USP20: variants seen among roughly 807,000 people sequenced by gnomAD.
The protein encoded by USP20 is ubiquitin specific peptidase 20.
A neutral mutation model predicts 124.2 loss-of-function variants in USP20; 80 were observed. The ratio of observed to expected loss-of-function variants is 0.64; its 90% CI spans 0.54 to 0.78. USP20 has a LOEUF of 0.78. USP20 is among the 30% of genes least tolerant of loss of function. The pLI, the probability that USP20 is intolerant of heterozygous loss-of-function variation, is 0.00. For missense variants in USP20, 1,043 were observed against 1,244.4 expected, an observed-to-expected ratio of 0.84 and a Z score of 2.44; for synonymous variants, 481 against 512.3, an observed-to-expected ratio of 0.94 and a Z score of 0.83.
At chr9:129,855,766 GAA>G (rs770317248) in intron 3 of USP20, among the ~76,000 whole-genome samples, 69 of 152,336 alleles carry the variant, frequency 4.5e-4, no homozygotes, top group Middle Eastern at 3.4e-3. Context: ...AAGGAGGAGA[GAA>G]AGGATTCCAG....
At chr9:129,864,572 G>C (rs1255215212) in intron 9 of USP20, among the ~76,000 whole-genome samples, 2 of 151,590 alleles carry the variant, frequency 1.3e-5, no homozygotes, top group African/African-American at 4.9e-5. Context: ...TCAGGAGTTC[G>C]AGACCAGCCT....
At chr9:129,862,269 C>G (rs1275484816) in intron 8 of USP20, among the ~76,000 whole-genome samples, 1 of 152,092 alleles carries the variant, frequency 6.6e-6, no homozygotes, top group African/African-American at 2.4e-5. Context: ...TTGACCACAC[C>G]CAGGCTGGGC....
chr9:129,854,861 G>A (rs551709161), intron 3 of USP20, among the ~76,000 whole-genome samples: 10 of 152,252 alleles, frequency 6.6e-5, no homozygotes, highest in African/African-American at 2.4e-4. Flanking sequence ...CCATGTTCAG[G>A]CTTTTTACAA....
chr9:129,870,658 G>A (rs1437016162), intron 15 of USP20, 111 bp downstream of exon 15: 2 of 1,222,554 alleles, frequency 1.6e-6, no homozygotes, highest in African/African-American at 3.0e-5. Flanking sequence ...GCACAGCCAG[G>A]CTAGACTTGG....
chr9:129,847,251 A>G (rs1418410824), intron 1 of USP20, among the ~76,000 whole-genome samples: 2 of 151,122 alleles, frequency 1.3e-5, no homozygotes, highest in African/African-American at 2.4e-5. Flanking sequence ...ATTCCCACCA[A>G]CAGTGCACAG....
chr9:129,863,348 T>G, intron 9 of USP20, 49 bp downstream of exon 9: 17 of 1,427,312 alleles, frequency 1.2e-5, no homozygotes, highest in Non-Finnish European at 1.5e-5. Context: ...GACTGGGGTT[T>G]CCTGTCAGCA....
At chr9:129,876,417 T>C (rs1484526528) in intron 22 of USP20, among the ~76,000 whole-genome samples, 179 bp downstream of exon 22, 3 of 152,102 alleles carry the variant, frequency 2.0e-5, no homozygotes, top group Non-Finnish European at 2.9e-5. Context: ...GACGAACAGA[T>C]CACTTGAGGT....
chr9:129,845,266 G>A (rs1247700400), intron 1 of USP20, among the ~76,000 whole-genome samples: 2 of 152,052 alleles, frequency 1.3e-5, no homozygotes, highest in Non-Finnish European at 2.9e-5. Context: ...GAGAGCTCCA[G>A]GGAACAGAGG....
chr9:129,866,633 A>T (rs1316555973), intron 10 of USP20, among the ~76,000 whole-genome samples: 2 of 152,206 alleles, frequency 1.3e-5, no homozygotes, highest in African/African-American at 4.8e-5. Flanking sequence ...GCAGGACTCC[A>T]TCTGGGCTCC....
intron 17 of USP20, among the ~76,000 whole-genome samples, 182 bp from the exon 18 acceptor site, chr9:129,874,394 G>A (rs961855921): frequency 1.3e-5 from 2 of 152,178 alleles, no homozygotes; most frequent in African/African-American, 2.4e-5. Flanking sequence ...TCTCAGCAGT[G>A]GAGCTGGGAG....
At chr9:129,859,017 C>T (rs1427751343) in intron 6 of USP20, among the ~76,000 whole-genome samples, 1 of 152,060 alleles carries the variant, frequency 6.6e-6, no homozygotes. Flanking sequence ...GTAGTTGCTA[C>T]AGCACACTTC....
In USP20 at chr9:129,875,302, C is replaced by T; in HGVS notation, c.2049-8C>T. 1 of 1,599,932 alleles carries T rather than the reference C, an allele frequency of 6.3e-7. No individual in the cohort carries two copies. Among genetic ancestry groups the T allele is most frequent in the Non-Finnish European group, 8.5e-7 (1 of 1,172,346 alleles). On this transcript the variant is annotated splice_region_variant and splice_polypyrimidine_tract_variant and intron_variant, in intron 19 of 25. Coordinates refer to ENST00000372429, the MANE Select transcript of USP20 (RefSeq NM_001110303.4). ...GGCACAGCTTCTCGCCCCCTCCTCA[C>T]CCCACAGGAAGAGCAGCGAGGAGGC...
Position 129,875,421 on chromosome 9 carries a change from C to T in USP20, c.2160C>T (p.Phe720=), listed in dbSNP as rs180684899. The T allele has an allele frequency of 3.8e-5, 62 of 1,613,780 alleles. No individual in the cohort carries two copies. The Admixed American group carries it at 4.8e-4, about 13-fold the overall frequency. Residue 720 remains phenylalanine, a synonymous_variant, in exon 20 of 26, where the codon TTC becomes TTT. Coordinates refer to ENST00000372429, the MANE Select transcript of USP20 (RefSeq NM_001110303.4). ...FYVSREWLNK[F]NTFAEPGPIT... is the part of the protein sequence containing the mutation. ...TGTCCCGCGAGTGGCTCAACAAGTT[C>T]AACACCTTCGCGGAGCCAGGCCCCA...
intron 3 of USP20, among the ~76,000 whole-genome samples, chr9:129,855,819 C>G (rs2033185160): frequency 6.6e-6 from 1 of 152,150 alleles, no homozygotes; most frequent in African/African-American, 2.4e-5. Flanking sequence ...CGCCAGAAAC[C>G]TGGGCGTTTC....
In USP20 at chr9:129,868,058, G is replaced by A; in HGVS notation, c.744G>A (p.Lys248=). The change falls in exon 11 of 26, where the codon AAG becomes AAA. Residue 248 remains lysine (K), a synonymous_variant. Coordinates refer to ENST00000372429, the MANE Select transcript of USP20 (RefSeq NM_001110303.4). ...TGGACCAGCTGCACGAGGAGCTCAA[G>A]GAGCCGGTGGTGGCCACGGTGGCGC... ...CLMDQLHEEL[K]EPVVATVALT... is the part of the protein sequence containing the mutation. The A allele has an allele frequency of 6.2e-7, 1 of 1,614,166 alleles. No homozygotes were observed. The highest frequency in any genetic ancestry group is 8.5e-7 in the Non-Finnish European group (1 of 1,180,018).
Position 129,878,348 on chromosome 9 carries a change from C to G in USP20, c.2420C>G (p.Ala807Gly). ...CTGCCCGCCTGCCAGTTGAACAAGG[C>G]CTTCCAGGCCGAGGAGTCGCCGGGC... The part of the protein sequence containing the change: ...EIDTFIKLNK[A>G]FQAEESPGVI... Residue 807 changes from alanine (A) to glycine (G), a missense_variant, in exon 23 of 26, where the codon GCC (alanine) becomes GGC (glycine). Coordinates refer to ENST00000372429, the MANE Select transcript of USP20 (RefSeq NM_001110303.4). The G allele has an allele frequency of 1.3e-6, 2 of 1,592,886 alleles. No individual in the cohort carries two copies. The highest frequency in any genetic ancestry group is 1.7e-6 in the Non-Finnish European group (2 of 1,169,766).
In USP20 at chr9:129,858,621, T is replaced by G. The variant is rs759279205; in HGVS notation, c.330+23T>G. Reference sequence around the variant, plus strand: ...CAGGTAACCTGTGTGGTGGGCTCTGTTTGGTTGTTGGTGACACTGTGTTGA... The same window carrying G: ...CAGGTAACCTGTGTGGTGGGCTCTGGTTGGTTGTTGGTGACACTGTGTTGA... On this transcript the variant is annotated intron_variant, in intron 6 of 25. Transcript: ENST00000372429. The G allele has an allele frequency of 1.4e-5, 22 of 1,609,888 alleles. No individual in the cohort carries two copies. The East Asian group carries it at 4.5e-4, about 33-fold the overall frequency.
intron 6 of USP20, 135 bp downstream of exon 6, chr9:129,858,733 T>C: frequency 7.4e-7 from 1 of 1,348,610 alleles, no homozygotes; most frequent in East Asian, 2.3e-5. Flanking sequence ...TGTTTTCAGG[T>C]GACTTTGAGG....
At chr9:129,847,460 A>G (rs1443281383) in intron 1 of USP20, among the ~76,000 whole-genome samples, 1 of 151,044 alleles carries the variant, frequency 6.6e-6, no homozygotes, top group African/African-American at 2.4e-5. Context: ...TTCCCACCAC[A>G]CTCAGCTAAA....
Sources: gnomAD v4.1 joint callset for allele counts (sites outside exome capture counted in the v4.1 genomes callset) on GRCh38, gnomAD v4.1.1 for gene constraint, MANE v1.5 for transcripts, NCBI Gene and HGNC (gene_info 2026-07-23, HGNC 2026-07-21) for gene names.